Variants in PTPRN2 observed in about 807,000 individuals in gnomAD.
PTPRN2 encodes protein tyrosine phosphatase receptor type N2.
In PTPRN2, 74 loss-of-function variants were observed where a neutral mutation model predicts 118.8. That is an observed-to-expected ratio of 0.62 (90% CI 0.52 to 0.76). The LOEUF (loss-of-function observed/expected upper bound fraction) is 0.76, where lower values mean the gene tolerates loss of function less well. Ranked by LOEUF, PTPRN2 falls within the 30% of genes least tolerant of loss-of-function variation. The pLI is 0.00. For synonymous variants in PTPRN2, 641 were observed against 608.0 expected (o/e 1.05, Z -0.80); for missense variants, 1,481 against 1,394.4 (o/e 1.06, Z -0.99).
rs1039856322 is a variant in PTPRN2, at chr7:157,729,584, A to G, written c.1789-46647T>C. 7.2e-5 allele frequency among the ~76,000 whole-genome samples: 11 copies of G among 152,162 alleles called. No homozygotes were observed. The highest frequency in any genetic ancestry group is 2.7e-4 in the African/African-American group (11 of 41,438). On this transcript the variant is annotated intron_variant, in intron 12 of 22. Coordinates refer to ENST00000389418, the MANE Select transcript of PTPRN2 (RefSeq NM_002847.5). The surrounding 1 kb of genome is among the most constrained non-coding windows in gnomAD (Gnocchi z 4.3). The stretch of plus-strand genomic sequence containing the variant: ...CATCAAACAACATCAGAGCTTGCAA[A>G]AGGAGCTCTGCAGTGCCTGAGACCT...
rs1487490349 is a variant in PTPRN2 at position 157,763,727 on chromosome 7, G to A, written c.1789-80790C>T. On this transcript the variant is annotated intron_variant, in intron 12 of 22. Coordinates refer to ENST00000389418, the MANE Select transcript of PTPRN2 (RefSeq NM_002847.5). The surrounding 1 kb of genome is among the most constrained non-coding windows in gnomAD (Gnocchi z 4.9). ...AGGGCTGGTGGCTGGTCCTCTCTTC[G>A]CAGTGCAGTCACTTGCTGGAGTCTC... 2.0e-5 allele frequency among the ~76,000 whole-genome samples: 3 copies of A among 151,886 alleles called. No individual in the cohort carries two copies. The highest frequency in any genetic ancestry group is 1.9e-4 in the East Asian group (1 of 5,150).
chr7:158,097,985 C>T (rs1814782025), intron 10 of PTPRN2, among the ~76,000 whole-genome samples: 1 of 152,308 alleles, frequency 6.6e-6, no homozygotes, highest in African/African-American at 2.4e-5. Flanking sequence ...TGTCTCCCGC[C>T]TGTCAGAGCT....
At chr7:158,350,246 CA>C (rs1333715502) in intron 2 of PTPRN2, among the ~76,000 whole-genome samples, 1 of 152,206 alleles carries the variant, frequency 6.6e-6, no homozygotes, top group East Asian at 1.9e-4. Context: ...TGCTCAACAT[CA>C]GCCGGCACTT....
intron 12 of PTPRN2, among the ~76,000 whole-genome samples, chr7:157,846,837 C>T (rs1305442607): frequency 2.6e-5 from 4 of 150,944 alleles, no homozygotes; most frequent in South Asian, 2.1e-4. Flanking sequence ...CATGCGTGCC[C>T]GATGTCGACA....
At chr7:157,621,906 C>T (rs1803276380) in intron 14 of PTPRN2, among the ~76,000 whole-genome samples, 1 of 151,900 alleles carries the variant, frequency 6.6e-6, no homozygotes, top group African/African-American at 2.4e-5. Flanking sequence ...GTTTCTGAAC[C>T]CACTGGGTGT....
intron 3 of PTPRN2, among the ~76,000 whole-genome samples, chr7:158,301,030 A>G (rs1800851901): frequency 3.9e-5 from 6 of 152,262 alleles, no homozygotes; most frequent in Admixed American, 3.9e-4. Flanking sequence ...AACGCACGAT[A>G]TACAGATGAA....
intron 12 of PTPRN2, among the ~76,000 whole-genome samples, chr7:157,748,011 G>A (rs541919083): frequency 1.5e-5 from 2 of 134,822 alleles, no homozygotes; most frequent in East Asian, 4.6e-4. Context: ...GGGTGTCCGG[G>A]TGATTCTGAG....
At chr7:157,659,400 G>A (rs1490624711) in intron 13 of PTPRN2, among the ~76,000 whole-genome samples, 1 of 104,224 alleles carries the variant, frequency 9.6e-6, no homozygotes, top group African/African-American at 3.7e-5. Context: ...GGATGGGGGG[G>A]ATGGCTGGGG....
chr7:158,183,655 C>A (rs1161067287), intron 5 of PTPRN2, among the ~76,000 whole-genome samples: 1 of 152,238 alleles, frequency 6.6e-6, no homozygotes, highest in Non-Finnish European at 1.5e-5. Flanking sequence ...CTCCCTAAAT[C>A]AGTTCCAGGA....
At chr7:157,747,125 T>C (rs200284877) in intron 12 of PTPRN2, among the ~76,000 whole-genome samples, 62 of 81,496 alleles carry the variant, frequency 7.6e-4, no homozygotes, top group Admixed American at 1.5e-3. Flanking sequence ...CTGAGGCCTG[T>C]GTCCCTGAGC....
chr7:158,365,653 A>G (rs1489375513), intron 2 of PTPRN2, among the ~76,000 whole-genome samples: 1 of 144,414 alleles, frequency 6.9e-6, no homozygotes, highest in Non-Finnish European at 1.5e-5. Context: ...AGCCCAATGC[A>G]CACGCACACA....
intron 1 of PTPRN2, among the ~76,000 whole-genome samples, chr7:158,530,605 G>A (rs1001356125): frequency 6.6e-5 from 10 of 152,220 alleles, no homozygotes; most frequent in African/African-American, 2.2e-4. Flanking sequence ...TACAGCACAC[G>A]TGTGAGAGCG....
At chr7:157,889,048 C>G (rs188798784) in intron 12 of PTPRN2, among the ~76,000 whole-genome samples, 1 of 152,194 alleles carries the variant, frequency 6.6e-6, no homozygotes, top group African/African-American at 2.4e-5. Flanking sequence ...ATAATGGTTT[C>G]AAAATAAGAA....
At position 157,547,839 on chromosome 7, in the gene PTPRN2, C is replaced by T. The variant is rs111278284; in HGVS notation, c.2976+1107G>A. 3.3e-3 allele frequency among the ~76,000 whole-genome samples: 504 copies of T among 152,314 alleles called. 3 individuals carry two copies. The highest frequency in any genetic ancestry group is 0.012 in the African/African-American group (479 of 41,560). On this transcript the variant is annotated intron_variant, in intron 22 of 22. Transcript: ENST00000389418. ...GTTCCACAAAGAGCAAGGCCGCTGG[C>T]GCTCTAGAAGACCTCACAGCCGTGA...
intron 3 of PTPRN2, among the ~76,000 whole-genome samples, chr7:158,238,434 G>C (rs1795689934): frequency 6.6e-6 from 1 of 152,134 alleles, no homozygotes; most frequent in Non-Finnish European, 1.5e-5. Context: ...CCACAGCAAG[G>C]CTTCTGGTCT....
intron 1 of PTPRN2, among the ~76,000 whole-genome samples, chr7:158,582,796 C>CAAAAAAAAAAAAAAAAAAAAAAAAAAA (rs1156687117): frequency 2.3e-5 from 1 of 44,296 alleles, no homozygotes; most frequent in Non-Finnish European, 4.2e-5. Context: ...GACTCCATCT[C>CAAAAAAAAAAAAAAAAAAAAAAAAAAA]AAAAAAAAAA....
At chr7:158,494,403 C>G (rs10271982) in intron 1 of PTPRN2, among the ~76,000 whole-genome samples, 1 of 152,162 alleles carries the variant, frequency 6.6e-6, no homozygotes, top group Admixed American at 6.5e-5. Context: ...AGGATGCACA[C>G]GCCTTCTGAA....
chr7:158,315,634 G>A (rs1256488054), intron 3 of PTPRN2, among the ~76,000 whole-genome samples: 1 of 152,290 alleles, frequency 6.6e-6, no homozygotes, highest in African/African-American at 2.4e-5. Context: ...CCGCCTGGAA[G>A]GAGAAACGGC....
chr7:158,150,084 C>T (rs112929607), intron 6 of PTPRN2, among the ~76,000 whole-genome samples: 4,249 of 152,164 alleles, frequency 0.028, 207 homozygotes, highest in African/African-American at 0.096. Context: ...GGGAAGAGGC[C>T]GTGGGGCAGA....
Sources: allele counts gnomAD v4.1 joint callset (sites outside exome capture counted in the v4.1 genomes callset), GRCh38; gene constraint gnomAD v4.1.1; non-coding constraint Gnocchi (gnomAD v3.1); transcripts MANE v1.5; gene names NCBI Gene and HGNC (gene_info 2026-07-23, HGNC 2026-07-21).